ARNT2: variants seen among roughly 807,000 people sequenced by gnomAD.
The protein encoded by ARNT2 is aryl hydrocarbon receptor nuclear translocator 2.
A neutral mutation model predicts 91.7 loss-of-function variants in ARNT2; 36 were observed. The ratio of observed to expected loss-of-function variants is 0.39; its 90% CI spans 0.30 to 0.52. ARNT2 has a LOEUF of 0.52. Ranked by LOEUF, ARNT2 falls within the 20% of genes least tolerant of loss-of-function variation. ARNT2 has a pLI of 0.72. For missense variants in ARNT2, 775 were observed against 939.3 expected, an observed-to-expected ratio of 0.83 and a Z score of 2.29; for synonymous variants, 365 against 347.1, an observed-to-expected ratio of 1.05 and a Z score of -0.57.
At chr15:80,505,135 A>G (rs1323542006) in intron 5 of ARNT2, among the ~76,000 whole-genome samples, 1 of 152,230 alleles carries the variant, frequency 6.6e-6, no homozygotes, top group Admixed American at 6.5e-5. Context: ...TGTATGTTGT[A>G]TCACAATAAT....
intron 1 of ARNT2, among the ~76,000 whole-genome samples, chr15:80,429,819 A>G (rs1046014982): frequency 6.6e-6 from 1 of 152,078 alleles, no homozygotes; most frequent in Non-Finnish European, 1.5e-5. Context: ...AGTTTGAGAA[A>G]AAAGCCCGCC....
intron 18 of ARNT2, among the ~76,000 whole-genome samples, 162 bp from the exon 19 acceptor site, chr15:80,593,438 G>A (rs961813170): frequency 1.3e-5 from 2 of 152,234 alleles, no homozygotes; most frequent in Non-Finnish European, 2.9e-5. Flanking sequence ...TCAGACATTT[G>A]AGGACCCTTG....
intron 5 of ARNT2, among the ~76,000 whole-genome samples, chr15:80,478,005 G>T (rs902397268): frequency 6.6e-6 from 1 of 152,184 alleles, no homozygotes; most frequent in African/African-American, 2.4e-5. Context: ...TGATGTTCTT[G>T]TAAAACAGCG....
intron 1 of ARNT2, among the ~76,000 whole-genome samples, chr15:80,438,452 T>C (rs1237166645): frequency 2.0e-5 from 3 of 152,222 alleles, no homozygotes; most frequent in African/African-American, 7.2e-5. Flanking sequence ...GGATTCCAAA[T>C]AAGACTTTTT....
At chr15:80,540,610 T>G (rs150717207) in intron 8 of ARNT2, among the ~76,000 whole-genome samples, 4 of 152,246 alleles carry the variant, frequency 2.6e-5, no homozygotes, top group African/African-American at 9.6e-5. Context: ...ACATAGTGAG[T>G]ATAGTACCCA....
intron 5 of ARNT2, among the ~76,000 whole-genome samples, chr15:80,485,626 G>A (rs1896959850): frequency 6.6e-6 from 1 of 152,206 alleles, no homozygotes; most frequent in African/African-American, 2.4e-5. Context: ...AGTGACTGAT[G>A]CCTGGTGAGA....
chr15:80,477,303 A>G (rs914536210), intron 5 of ARNT2, among the ~76,000 whole-genome samples: 5 of 152,158 alleles, frequency 3.3e-5, no homozygotes, highest in African/African-American at 1.2e-4. Flanking sequence ...AGGCACCTTG[A>G]TGTCTGGCAA....
intron 8 of ARNT2, among the ~76,000 whole-genome samples, chr15:80,525,171 A>G (rs1199835971): frequency 6.6e-6 from 1 of 152,176 alleles, no homozygotes; most frequent in Admixed American, 6.5e-5. Context: ...ATTCCAGACA[A>G]TTGGATTGAG....
chr15:80,435,880 G>A (rs1896077962), intron 1 of ARNT2, among the ~76,000 whole-genome samples: 1 of 102,130 alleles, frequency 9.8e-6, no homozygotes, highest in African/African-American at 3.5e-5. Context: ...GGAGATATGG[G>A]CAAAAAAAAG....
chr15:80,441,445 A>C, intron 1 of ARNT2: 1 of 969,194 alleles, frequency 1.0e-6, no homozygotes, highest in South Asian at 4.8e-5. Flanking sequence ...AATATTGAGA[A>C]GAGCGTTTTT....
chr15:80,530,830 C>G (rs1384750762), intron 8 of ARNT2, among the ~76,000 whole-genome samples: 1 of 152,134 alleles, frequency 6.6e-6, no homozygotes. Context: ...AAATTAGTCC[C>G]CGTAGATACA....
At position 80,555,107 on chromosome 15, in the gene ARNT2, G is replaced by A; in HGVS notation, c.1132G>A (p.Asp378Asn). The A allele has an allele frequency of 6.2e-7, 1 of 1,614,232 alleles. No individual in the cohort carries two copies. Among genetic ancestry groups the A allele is most frequent in the Non-Finnish European group, 8.5e-7 (1 of 1,180,036 alleles). Residue 378 changes from aspartate to asparagine, a missense_variant, in exon 11 of 19, where the codon GAT becomes AAT. Around this residue, in one of 5 missense-constraint regions of ARNT2, gnomAD observed 285 missense variants for 327.2 expected, o/e 0.87. Coordinates refer to ENST00000303329, the MANE Select transcript of ARNT2 (RefSeq NM_014862.4). ...CATTTTGGAATTCTGCCACCCTGAG[G>A]ATCAAAGCCATCTGCGTGAGAGCTT... ...KDILEFCHPE[D>N]QSHLRESFQQ...
chr15:80,543,896 A>G (rs1897950907), intron 8 of ARNT2, among the ~76,000 whole-genome samples: 1 of 152,016 alleles, frequency 6.6e-6, no homozygotes, highest in Non-Finnish European at 1.5e-5. Flanking sequence ...ACGTGCCACC[A>G]TGCCCGGCTA....
chr15:80,437,479 A>G (rs1896106837), intron 1 of ARNT2, among the ~76,000 whole-genome samples: 1 of 152,202 alleles, frequency 6.6e-6, no homozygotes, highest in South Asian at 2.1e-4. Flanking sequence ...AAAACCCTGA[A>G]TATGATCACA....
chr15:80,497,164 C>G (rs1167123109), intron 5 of ARNT2, among the ~76,000 whole-genome samples: 1 of 152,200 alleles, frequency 6.6e-6, no homozygotes, highest in Non-Finnish European at 1.5e-5. Flanking sequence ...AGTATGGCTG[C>G]AAAGGGATTT....
In ARNT2 at chr15:80,458,033, A is replaced by G. The variant is rs1369221704; in HGVS notation, c.194+57A>G. ...GAAGGCAATAGCCAGCATTCACCTT[A>G]GAAAGATACAAGAATGTAACGTCTT... is the stretch of plus-strand genomic sequence containing the variant. On this transcript the variant is annotated intron_variant, in intron 3 of 18. Coordinates refer to ENST00000303329, the MANE Select transcript of ARNT2 (RefSeq NM_014862.4). The G allele has an allele frequency of 7.1e-6, 11 of 1,544,278 alleles. No individual in the cohort carries two copies. The Admixed American group carries it at 1.8e-4, about 26-fold the overall frequency.
At chr15:80,424,810 T>A (rs1053700081) in intron 1 of ARNT2, among the ~76,000 whole-genome samples, 1 of 152,012 alleles carries the variant, frequency 6.6e-6, no homozygotes, top group Non-Finnish European at 1.5e-5. Context: ...GAGAATGGAT[T>A]TCTAATTTGT....
chr15:80,481,337 T>G (rs1360287604), intron 5 of ARNT2, among the ~76,000 whole-genome samples: 1 of 152,154 alleles, frequency 6.6e-6, no homozygotes, highest in African/African-American at 2.4e-5. Context: ...TTAAAGATGG[T>G]GCATTCACTG....
At chr15:80,563,544 C>T (rs540101710) in intron 12 of ARNT2, among the ~76,000 whole-genome samples, 37 of 152,348 alleles carry the variant, frequency 2.4e-4, no homozygotes, top group Admixed American at 2.3e-3. Flanking sequence ...TGGACCTCAG[C>T]CAACTGGAGC....
Sources: allele counts gnomAD v4.1 joint callset (sites outside exome capture counted in the v4.1 genomes callset), GRCh38; gene constraint gnomAD v4.1.1; regional missense constraint gnomAD v4.1.1; transcripts MANE v1.5; gene names NCBI Gene and HGNC (gene_info 2026-07-23, HGNC 2026-07-21).